The following CASK variants were observed in gnomAD, a reference collection of about 807,000 sequenced individuals.
The protein encoded by CASK is calcium/calmodulin dependent serine protein kinase.
Under a neutral mutation model 82.9 loss-of-function variants are expected in CASK, and 4 were observed. The observed-to-expected ratio is 0.05, with a 90% CI of 0.02 to 0.11. The LOEUF (loss-of-function observed/expected upper bound fraction) is 0.11, where lower values mean the gene tolerates loss of function less well. Among genes scored for constraint, CASK ranks in the 10% least tolerant of loss-of-function variants. CASK has a pLI of 1.00. For missense variants in CASK, 358 were observed against 720.9 expected (o/e 0.50, Z 5.76); for synonymous variants, 259 against 253.5 (o/e 1.02, Z -0.20).
chrX:41,708,643 G>A (rs1435261376), intron 5 of CASK, among the ~76,000 whole-genome samples: 1 of 112,103 alleles, frequency 8.9e-6, no homozygotes, highest in African/African-American at 3.2e-5. Flanking sequence ...GAAATTTATT[G>A]TTGTATTAGA....
intron 9 of CASK, among the ~76,000 whole-genome samples, chrX:41,633,946 G>A (rs1221777940): frequency 9.0e-6 from 1 of 110,833 alleles, no homozygotes. Flanking sequence ...ATATTTTGTA[G>A]AGACGGGGTT....
intron 5 of CASK, chrX:41,727,679 T>C: frequency 4.2e-6 from 5 of 1,196,781 alleles, no homozygotes; most frequent in Non-Finnish European, 5.7e-6. Context: ...TTAGTAGTAC[T>C]AACATCATAC....
chrX:41,711,751 A>C (rs185091559), intron 5 of CASK, among the ~76,000 whole-genome samples: 1 of 110,703 alleles, frequency 9.0e-6, no homozygotes, highest in Non-Finnish European at 1.9e-5. Context: ...CTGCATACTC[A>C]CAAACCAATC....
chrX:41,915,910 C>T (rs1408009526), intron 1 of CASK, among the ~76,000 whole-genome samples: 1 of 111,433 alleles, frequency 9.0e-6, no homozygotes, highest in Admixed American at 9.5e-5. Flanking sequence ...ATGGCGTGAA[C>T]CTGGGAGGCG....
At chrX:41,746,215 G>T (rs925020573) in intron 3 of CASK, among the ~76,000 whole-genome samples, 2 of 110,514 alleles carry the variant, frequency 1.8e-5, no homozygotes, top group Non-Finnish European at 3.8e-5. Flanking sequence ...AAGGCCTCTT[G>T]TTGTCTTGGC....
rs182184946 is a variant in CASK, at chrX:41,838,877, A to G, written c.172+14238T>C. The stretch of plus-strand genomic sequence containing the variant: ...TTCATTTTTGGCCTATGGATGTCCA[A>G]TTGCTCCACCACCATTTGTAGAAAA... On this transcript the variant is annotated intron_variant, in intron 2 of 26. Coordinates refer to ENST00000378163, the MANE Select transcript of CASK (RefSeq NM_001367721.1). Among the ~76,000 whole-genome samples the G allele has an allele frequency of 5.4e-5, 6 of 111,792 alleles. No homozygotes were observed. The South Asian group carries it at 1.5e-3, about 28-fold the overall frequency.
At chrX:41,524,535 C>A (rs2064683705) in intron 25 of CASK, 2 of 136,545 alleles carry the variant, frequency 1.5e-5, no homozygotes, top group African/African-American at 6.5e-5. Flanking sequence ...CCCTGGGACT[C>A]CTGGGGAAGG....
intron 2 of CASK, among the ~76,000 whole-genome samples, chrX:41,820,170 T>A (rs766945639): frequency 9.4e-6 from 1 of 105,912 alleles, no homozygotes; most frequent in South Asian, 4.1e-4. Flanking sequence ...CAATATAAGA[T>A]CACTGAATTG....
intron 25 of CASK, among the ~76,000 whole-genome samples, chrX:41,526,613 T>G (rs1217630657): frequency 1.8e-5 from 2 of 112,036 alleles, no homozygotes. Flanking sequence ...CCATCAATGG[T>G]GGCCATGTTC....
At chrX:41,797,954 G>GTAC (rs2069896817) in intron 2 of CASK, among the ~76,000 whole-genome samples, 1 of 111,712 alleles carries the variant, frequency 9.0e-6, no homozygotes, top group African/African-American at 3.3e-5. Context: ...AAACTTCAAG[G>GTAC]TACTACTACT....
intron 2 of CASK, among the ~76,000 whole-genome samples, chrX:41,839,912 T>C (rs1464549474): frequency 9.0e-6 from 1 of 111,720 alleles, no homozygotes; most frequent in East Asian, 2.8e-4. Flanking sequence ...CTAGGGTCTC[T>C]ATTCTATTCT....
rs908962992 is a variant in CASK at position 41,788,160 on chromosome X, A to C, written c.173-877T>G. ...CAACAAAGAGTGAAACTCTGTCTCA[A>C]AAAAAAAAAAAAAAAAAAAGTGTTG... On this transcript the variant is annotated intron_variant, in intron 2 of 26. Coordinates refer to ENST00000378163, the MANE Select transcript of CASK (RefSeq NM_001367721.1). Among the ~76,000 whole-genome samples, 5 of 91,934 alleles carry C rather than the reference A, an allele frequency of 5.4e-5. No homozygotes were observed. In the South Asian group the frequency reaches 2.0e-3, roughly 36 times the overall value. 79.8% of individuals were successfully genotyped at this position (91,934 alleles called of 115,157 possible). A position where few individuals can be genotyped will look rare whatever the true frequency, so the allele number is the denominator to read the frequency against.
intron 11 of CASK, among the ~76,000 whole-genome samples, chrX:41,616,227 T>C (rs995648913): frequency 8.9e-6 from 1 of 112,032 alleles, no homozygotes; most frequent in African/African-American, 3.3e-5. Context: ...TTATTCATTT[T>C]ATAATATCTA....
intron 5 of CASK, among the ~76,000 whole-genome samples, chrX:41,720,462 C>A (rs2068144664): frequency 8.9e-6 from 1 of 112,762 alleles, no homozygotes; most frequent in African/African-American, 3.2e-5. Flanking sequence ...GGCTTACTTA[C>A]CACTGCCCCT....
intron 1 of CASK, among the ~76,000 whole-genome samples, chrX:41,862,740 A>C (rs1294111681): frequency 9.0e-6 from 1 of 110,673 alleles, no homozygotes; most frequent in Non-Finnish European, 1.9e-5. Flanking sequence ...GCAAGAGGTG[A>C]TAAAGTAAAG....
intron 9 of CASK, among the ~76,000 whole-genome samples, chrX:41,631,463 T>C (rs1377851926): frequency 9.0e-6 from 1 of 111,246 alleles, no homozygotes; most frequent in Non-Finnish European, 1.9e-5. Context: ...TCTATATATG[T>C]ATTTCTTTTC....
chrX:41,644,553 T>G (rs2066721652), intron 8 of CASK, among the ~76,000 whole-genome samples: 1 of 111,828 alleles, frequency 8.9e-6, no homozygotes, highest in Admixed American at 9.5e-5. Context: ...TTGAGCAATA[T>G]GAAATGTAGG....
At chrX:41,831,078 C>T (rs1419570701) in intron 2 of CASK, among the ~76,000 whole-genome samples, 1 of 109,749 alleles carries the variant, frequency 9.1e-6, no homozygotes, top group Non-Finnish European at 1.9e-5. Flanking sequence ...ATAAGTATTA[C>T]CTATATTGTG....
intron 2 of CASK, among the ~76,000 whole-genome samples, chrX:41,814,540 A>G (rs779541590): frequency 2.0e-5 from 2 of 100,745 alleles, no homozygotes; most frequent in East Asian, 6.9e-4. Context: ...GAATTCAACA[A>G]TGAAAACACT....
Sources: allele counts gnomAD v4.1 joint callset (sites outside exome capture counted in the v4.1 genomes callset), GRCh38; gene constraint gnomAD v4.1.1; transcripts MANE v1.5; gene names NCBI Gene and HGNC (gene_info 2026-07-23, HGNC 2026-07-21).